Variants in CNTNAP5 observed in about 807,000 individuals in gnomAD.
CNTNAP5 encodes contactin associated protein family member 5, also known as contactin-associated protein-like 5.
CNTNAP5 carries 72 observed loss-of-function variants against 150.2 expected under a neutral mutation model. That is an observed-to-expected ratio of 0.48 (90% CI 0.40 to 0.58). The LOEUF (loss-of-function observed/expected upper bound fraction) is 0.58, where lower values mean the gene tolerates loss of function less well. CNTNAP5 is among the 20% of genes least tolerant of loss of function. The probability of loss-of-function intolerance (pLI) is 0.00; values close to 1 mark genes in which losing one functional copy is unlikely to be tolerated. For synonymous variants in CNTNAP5, 672 were observed against 619.8 expected (o/e 1.08, Z -1.25); for missense variants, 1,636 against 1,626.2 (o/e 1.01, Z -0.10).
chr2:124,828,246 C>T (rs1682639694), intron 19 of CNTNAP5, among the ~76,000 whole-genome samples: 2 of 152,142 alleles, frequency 1.3e-5, no homozygotes, highest in African/African-American at 2.4e-5. Context: ...CTTTGCGAGG[C>T]CGAGACGGGC....
At chr2:124,281,376 C>T (rs553751148) in intron 3 of CNTNAP5, among the ~76,000 whole-genome samples, 6 of 152,218 alleles carry the variant, frequency 3.9e-5, no homozygotes, top group African/African-American at 1.2e-4. Context: ...TTCCCAAACT[C>T]CTATCCCTTG....
chr2:124,693,031 T>C (rs1401230046), intron 13 of CNTNAP5, among the ~76,000 whole-genome samples: 1 of 152,070 alleles, frequency 6.6e-6, no homozygotes, highest in Non-Finnish European at 1.5e-5. Context: ...AATTCTGAAA[T>C]TTTTTTACCC....
chr2:124,136,453 C>T lies in CNTNAP5; in HGVS notation c.83-85252C>T, dbSNP rs534269558. On this transcript the variant is annotated intron_variant, in intron 1 of 23. Coordinates refer to ENST00000682447, the MANE Select transcript of CNTNAP5 (RefSeq NM_001367498.1). ...TTACCTACTCAACATCAAAGCTTAACCTAGTCCACCTTAAATGGGATCAGT... is the reference window on the plus strand; with the variant it reads ...TTACCTACTCAACATCAAAGCTTAATCTAGTCCACCTTAAATGGGATCAGT... Among the ~76,000 whole-genome samples, 196 of 152,272 alleles carry T rather than the reference C, an allele frequency of 1.3e-3. 1 individual carries two copies. Among genetic ancestry groups the T allele is most frequent in the Non-Finnish European group, 2.4e-3 (164 of 68,018 alleles).
intron 6 of CNTNAP5, among the ~76,000 whole-genome samples, chr2:124,468,743 C>T (rs1230399810): frequency 6.6e-6 from 1 of 152,158 alleles, no homozygotes; most frequent in African/African-American, 2.4e-5. Flanking sequence ...CAGCTACCAG[C>T]CCTTAACACA....
chr2:124,031,229 C>T (rs975737039), intron 1 of CNTNAP5, among the ~76,000 whole-genome samples: 1 of 151,896 alleles, frequency 6.6e-6, no homozygotes, highest in Non-Finnish European at 1.5e-5. Flanking sequence ...ATTAACAATC[C>T]TTGTCTCCTC....
At chr2:124,289,953 T>C (rs989667191) in intron 3 of CNTNAP5, among the ~76,000 whole-genome samples, 2 of 152,190 alleles carry the variant, frequency 1.3e-5, no homozygotes, top group Admixed American at 1.3e-4. Context: ...AATTTTCTAG[T>C]TTATATTTAT....
At chr2:124,461,009 T>A (rs190304848) in intron 6 of CNTNAP5, among the ~76,000 whole-genome samples, 2 of 152,180 alleles carry the variant, frequency 1.3e-5, no homozygotes, top group African/African-American at 4.8e-5. Flanking sequence ...ATGGCAATCA[T>A]TAAAAAGTCA....
At chr2:124,510,329 A>ATATC (rs1694544038) in intron 8 of CNTNAP5, among the ~76,000 whole-genome samples, 4 of 100,388 alleles carry the variant, frequency 4.0e-5, no homozygotes, top group Admixed American at 1.2e-4. Flanking sequence ...ATCTATCTAT[A>ATATC]TATATATCTC....
intron 1 of CNTNAP5, among the ~76,000 whole-genome samples, chr2:124,086,236 G>A (rs1171537939): frequency 8.4e-6 from 1 of 119,592 alleles, no homozygotes; most frequent in Non-Finnish European, 1.6e-5. Context: ...TTGCTCTGTC[G>A]CCCAGGCTGG....
At chr2:124,758,595 A>C (rs183959863) in intron 14 of CNTNAP5, among the ~76,000 whole-genome samples, 2 of 152,092 alleles carry the variant, frequency 1.3e-5, no homozygotes, top group Non-Finnish European at 2.9e-5. Context: ...AAAAAGGCCA[A>C]TTGTCGTAGG....
intron 21 of CNTNAP5, among the ~76,000 whole-genome samples, chr2:124,884,998 C>G (rs1267349999): frequency 6.6e-6 from 1 of 152,062 alleles, no homozygotes; most frequent in Non-Finnish European, 1.5e-5. Flanking sequence ...GTAGAACCCA[C>G]TCATATCAGT....
In CNTNAP5 at chr2:124,647,907, G is replaced by A; in HGVS notation, c.2026G>A (p.Glu676Lys). The change falls in exon 13 of 24, where the codon GAG becomes AAG. Residue 676 changes from glutamate to lysine, a missense_variant. By Grantham distance (56) the Glu-to-Lys change is moderately conservative (BLOSUM62 1). Transcript: ENST00000682447. ...CGTGATCGACGGCTCTGAGCACTGT[G>A]AGCAGGAGGTGGCCTACCACTGCAG... ...EAVIDGSEHC[E>K]QEVAYHCRRS... is the part of the protein sequence containing the mutation. The A allele has an allele frequency of 6.2e-7, 1 of 1,610,406 alleles. No homozygotes were observed. Among genetic ancestry groups the A allele is most frequent in the South Asian group, 1.1e-5 (1 of 90,332 alleles).
chr2:124,242,258 G>A lies in CNTNAP5; in HGVS notation c.246G>A (p.Leu82=), dbSNP rs1424341701. The A allele has an allele frequency of 6.2e-7, 1 of 1,606,378 alleles. No homozygotes were observed. The highest frequency in any genetic ancestry group is 8.5e-7 in the Non-Finnish European group (1 of 1,176,248). ...CTCAACAGTGGCTCCAGATGGACCT[G>A]GGAAACAGAGTAGAGATTACAGCAG... The part of the protein sequence containing the change: ...SNAQQWLQMD[L]GNRVEITAVA... The change falls in exon 3 of 24, where the codon CTG becomes CTA. Residue 82 remains leucine (L), a synonymous_variant. Transcript: ENST00000682447.
intron 3 of CNTNAP5, among the ~76,000 whole-genome samples, chr2:124,332,700 A>G (rs1016996011): frequency 1.3e-5 from 2 of 151,968 alleles, no homozygotes; most frequent in Non-Finnish European, 2.9e-5. Context: ...TATAAAGCAT[A>G]ATTATTATTT....
At chr2:124,552,758 A>G (rs1695655688) in intron 10 of CNTNAP5, among the ~76,000 whole-genome samples, 2 of 152,204 alleles carry the variant, frequency 1.3e-5, no homozygotes, top group African/African-American at 4.8e-5. Context: ...TGCAAAAGCC[A>G]TGAGCAGAAA....
At chr2:124,289,405 A>C (rs1688229876) in intron 3 of CNTNAP5, among the ~76,000 whole-genome samples, 1 of 152,208 alleles carries the variant, frequency 6.6e-6, no homozygotes, top group Non-Finnish European at 1.5e-5. Context: ...AATTTGTTTC[A>C]CATGGCTTAA....
intron 17 of CNTNAP5, 78 bp downstream of exon 17, chr2:124,773,095 T>TTTTATCTGAGATCTGGGAA: frequency 9.2e-7 from 1 of 1,082,816 alleles, no homozygotes; most frequent in Non-Finnish European, 1.4e-6. Context: ...AAAAATTCTC[T>TTTTATCTGAGATCTGGGAA]TTTATCTGAG....
chr2:124,218,472 C>T (rs966685504), intron 1 of CNTNAP5, among the ~76,000 whole-genome samples: 1 of 152,066 alleles, frequency 6.6e-6, no homozygotes, highest in African/African-American at 2.4e-5. Context: ...CTTTTAGGGA[C>T]AGGAGATCAA....
chr2:124,514,099 T>A (rs568462482), intron 8 of CNTNAP5, among the ~76,000 whole-genome samples: 6 of 152,318 alleles, frequency 3.9e-5, no homozygotes, highest in African/African-American at 1.2e-4. Flanking sequence ...CAACAAGCTG[T>A]CTGGTTTGAG....
Sources: gnomAD v4.1 joint callset for allele counts (sites outside exome capture counted in the v4.1 genomes callset) on GRCh38, gnomAD v4.1.1 for gene constraint, MANE v1.5 for transcripts, NCBI Gene and HGNC (gene_info 2026-07-23, HGNC 2026-07-21) for gene names.